The following TP53I3 variants were observed in gnomAD, a reference collection of about 807,000 sequenced individuals.
The protein encoded by TP53I3 is tumor protein p53 inducible protein 3.
TP53I3 carries 32 observed loss-of-function variants against 27.7 expected under a neutral mutation model. That is an observed-to-expected ratio of 1.16 (90% CI 0.87 to 1.55). The LOEUF is 1.55. Ranked by LOEUF, TP53I3 falls within the 40% of genes most tolerant of loss-of-function variation. The pLI is 0.00. For missense variants in TP53I3, 372 were observed against 412.3 expected (o/e 0.90, Z 0.85); for synonymous variants, 138 against 167.8 (o/e 0.82, Z 1.37).
At position 24,080,948 on chromosome 2, in the gene TP53I3, C is replaced by T; in HGVS notation, c.490G>A (p.Ala164Thr). The change falls in exon 3 of 5, where the codon GCT (alanine) becomes ACT (threonine). Residue 164 changes from alanine to threonine, a missense_variant. By Grantham distance (58) the Ala-to-Thr change is moderately conservative. Transcript: ENST00000238721. The surrounding 1 kb of genome is among the most constrained non-coding windows in gnomAD (Gnocchi z 4.7). ...GCTGTGACCAGAGGAATAGCTCCAG[C>T]CATCCGGGTGAGTTGGATAGCAGCT... ...GTAAIQLTRM[A>T]GAIPLVTAGS... is the part of the protein sequence containing the mutation. 2 of 1,614,208 alleles carry T rather than the reference C, an allele frequency of 1.2e-6. No homozygotes were observed. Among genetic ancestry groups the T allele is most frequent in the Non-Finnish European group, 1.7e-6 (2 of 1,180,052 alleles).
Position 24,084,390 on chromosome 2 carries a change from A to ACGGGG in TP53I3, c.-65_-64insCCCCG, listed in dbSNP as rs1553325161. The ACGGGG allele has an allele frequency of 8.7e-7, 1 of 1,147,112 alleles. No individual in the cohort carries two copies. Among genetic ancestry groups the ACGGGG allele is most frequent in the Non-Finnish European group, 1.2e-6 (1 of 814,244 alleles). The allele number at this position is 1,147,112 out of a possible 1,614,324, so 71.1% of individuals were successfully genotyped here. A position where few individuals can be genotyped will look rare whatever the true frequency, so the allele number is the denominator to read the frequency against. ...ACAGGGCAGGGCAGGGCAGGACAGG[A>ACGGGG]CAGGGCAGGGCAGGACAGGACAGGG... On this transcript the variant is annotated 5_prime_UTR_variant, in exon 1 of 5. Transcript: ENST00000238721. This position sits in a 1 kb window ranked among gnomAD's most constrained non-coding sequence, Gnocchi z 8.4.
chr2:24,077,624 C>T lies in TP53I3; in HGVS notation c.954G>A (p.Glu318=). 6.2e-7 allele frequency: 1 copy of T among 1,614,024 alleles called. No homozygotes were observed. The highest frequency in any genetic ancestry group is 8.5e-7 in the Non-Finnish European group (1 of 1,179,950). Residue 318 remains glutamate, a synonymous_variant, in exon 5 of 5, where the codon GAG becomes GAA. Transcript: ENST00000238721. This position sits in a 1 kb window ranked among gnomAD's most constrained non-coding sequence, Gnocchi z 5.5. ...CGATCTTGCCTATGTTCTTGTTGGC[C>T]TCCATGTACTTATGGGCCTCCTGGA... ...TEIQEAHKYM[E]ANKNIGKIVL...
Position 24,080,604 on chromosome 2 carries a change from T to A in TP53I3, c.619+215A>T, listed in dbSNP as rs1573717756. On this transcript the variant is annotated intron_variant, in intron 3 of 4. Transcript: ENST00000238721. The surrounding 1 kb of genome is among the most constrained non-coding windows in gnomAD (Gnocchi z 4.7). ...TGGTCTAAAGTGTGGATGAATCTTATCTCTTGCAAGAATGCACATGGAAAC... is the reference window on the plus strand; with the variant it reads ...TGGTCTAAAGTGTGGATGAATCTTAACTCTTGCAAGAATGCACATGGAAAC... 5 of 609,548 alleles carry A rather than the reference T, an allele frequency of 8.2e-6. No individual in the cohort carries two copies. In the East Asian group the frequency reaches 1.1e-4, roughly 14 times the overall value. The allele number at this position is 609,548 out of a possible 1,614,324, so 37.8% of individuals were successfully genotyped here. A position where few individuals can be genotyped will look rare whatever the true frequency, so the allele number is the denominator to read the frequency against.
chr2:24,083,984 G>A lies in TP53I3; in HGVS notation c.138+205C>T, dbSNP rs35213671. Among the ~76,000 whole-genome samples the A allele has an allele frequency of 7.3e-3, 1,110 of 152,294 alleles. 9 individuals carry two copies. Among genetic ancestry groups the A allele is most frequent in the African/African-American group, 0.026 (1,068 of 41,542 alleles). ...GGCCTGAGTGGCTATGGATTAGCTCGGGGTGGATTCTGCTTTACAAGTACT... is the reference window on the plus strand; with the variant it reads ...GGCCTGAGTGGCTATGGATTAGCTCAGGGTGGATTCTGCTTTACAAGTACT... On this transcript the variant is annotated intron_variant, in intron 1 of 4. Coordinates refer to ENST00000238721, the MANE Select transcript of TP53I3 (RefSeq NM_004881.5).
Position 24,084,382 on chromosome 2 carries a change from AGGACAGGACAGGGCAGGG to A in TP53I3, c.-74_-57del. ...AGGACAGGACAGGGCAGGGCAGGGCAGGACAGGACAGGGCAGGGCAGGACAGGACAGGGCAGGGGCCGC... is the reference window on the plus strand; with the variant it reads ...AGGACAGGACAGGGCAGGGCAGGGCACAGGACAGGACAGGGCAGGGGCCGC... On this transcript the variant is annotated 5_prime_UTR_variant, in exon 1 of 5. Transcript: ENST00000238721. This position sits in a 1 kb window ranked among gnomAD's most constrained non-coding sequence, Gnocchi z 8.4. The A allele has an allele frequency of 7.4e-7, 1 of 1,342,704 alleles. No individual in the cohort carries two copies. The highest frequency in any genetic ancestry group is 1.5e-5 in the African/African-American group (1 of 68,624). The allele number at this position is 1,342,704 out of a possible 1,614,324, so 83.2% of individuals were successfully genotyped here. A position where few individuals can be genotyped will look rare whatever the true frequency, so the allele number is the denominator to read the frequency against.
Position 24,079,625 on chromosome 2 carries a change from A to C in TP53I3, c.635T>G (p.Leu212Arg). ...LKFTKGAGVN[L>R]ILDCIGGSYW... The stretch of plus-strand genomic sequence containing the variant: ...GGATCCGCCTATGCAGTCTAGAATA[A>C]GATTAACTCCAGCACCTTCCATAGG... The change falls in exon 4 of 5, where the codon CTT becomes CGT. Residue 212 changes from leucine (L) to arginine (R), a missense_variant. Coordinates refer to ENST00000238721, the MANE Select transcript of TP53I3 (RefSeq NM_004881.5). 3 of 1,614,108 alleles carry C rather than the reference A, an allele frequency of 1.9e-6. No homozygotes were observed. Among genetic ancestry groups the C allele is most frequent in the Non-Finnish European group, 2.5e-6 (3 of 1,179,994 alleles).
At chr2:24,083,230 A>C in intron 1 of TP53I3, 78 bp from the exon 2 acceptor site, 1 of 1,467,810 alleles carries the variant, frequency 6.8e-7, no homozygotes. Context: ...CCCTTCCAAG[A>C]TCCCCTCTTT....
rs35814067 is a variant in TP53I3 at position 24,084,039 on chromosome 2, G to A, written c.138+150C>T. On this transcript the variant is annotated intron_variant, in intron 1 of 4. Transcript: ENST00000238721. The surrounding 1 kb of genome is among the most constrained non-coding windows in gnomAD (Gnocchi z 8.4). ...CTTGTTTTGCATGAACAAAGAGGGCGCCCTGGGTTTAGGTCTGGGAAGCCC... is the reference window on the plus strand; with the variant it reads ...CTTGTTTTGCATGAACAAAGAGGGCACCCTGGGTTTAGGTCTGGGAAGCCC... 5.6e-6 allele frequency: 7 copies of A among 1,259,104 alleles called. No individual in the cohort carries two copies. The East Asian group carries it at 1.6e-4, about 29-fold the overall frequency. The allele number at this position is 1,259,104 out of a possible 1,614,324, so 78.0% of individuals were successfully genotyped here.
chr2:24,082,911 G>A lies in TP53I3; in HGVS notation c.380C>T (p.Thr127Ile). 1 of 1,611,244 alleles carries A rather than the reference G, an allele frequency of 6.2e-7. No homozygotes were observed. ...CACAAGATGTAACAGCTGGAAGGCG[G>A]TGAGCCAGGCCTCTGGGATGGCTGC... ...QAAAIPEAWL[T>I]AFQLLHLVGN... is the part of the protein sequence containing the mutation. The change falls in exon 2 of 5, where the codon ACC (threonine) becomes ATC (isoleucine). Residue 127 changes from threonine (T) to isoleucine (I), a missense_variant. Thr to Ile is a moderately conservative substitution (Grantham distance 89). Transcript: ENST00000238721.
chr2:24,081,593 T>C (rs1368259863), intron 2 of TP53I3, among the ~76,000 whole-genome samples: 2 of 152,230 alleles, frequency 1.3e-5, no homozygotes, highest in African/African-American at 4.8e-5. Context: ...CAGCTTGATA[T>C]TCAAGGACAC....
chr2:24,079,465 C>T lies in TP53I3; in HGVS notation c.795G>A (p.Leu265=), dbSNP rs756136109. ...LFKRGSLITS[L]LRSRDNKYKQ... is the part of the protein sequence containing the mutation. ...TCACCTTATTGTCCCTAGACCTCAG[C>T]AAACTGGTGATCAGACTTCCTCGCT... Residue 265 remains leucine, a synonymous_variant, in exon 4 of 5, where the codon TTG becomes TTA. Coordinates refer to ENST00000238721, the MANE Select transcript of TP53I3 (RefSeq NM_004881.5). The T allele has an allele frequency of 6.2e-7, 1 of 1,614,176 alleles. No individual in the cohort carries two copies. The highest frequency in any genetic ancestry group is 1.1e-5 in the South Asian group (1 of 91,082).
Position 24,077,477 on chromosome 2 carries a change from T to C in TP53I3, c.*102A>G. 7.3e-7 allele frequency: 1 copy of C among 1,365,288 alleles called. No individual in the cohort carries two copies. Among genetic ancestry groups the C allele is most frequent in the Non-Finnish European group, 9.8e-7 (1 of 1,020,522 alleles). 84.6% of individuals were successfully genotyped at this position (1,365,288 alleles called of 1,614,324 possible). Reference sequence around the variant, plus strand: ...TCCTCATATCAGCTTTAAACGGCTCTGGAGGAAGCACCGGGTTTCTTGGCC... The same window carrying C: ...TCCTCATATCAGCTTTAAACGGCTCCGGAGGAAGCACCGGGTTTCTTGGCC... On this transcript the variant is annotated 3_prime_UTR_variant, in exon 5 of 5. Coordinates refer to ENST00000238721, the MANE Select transcript of TP53I3 (RefSeq NM_004881.5). The surrounding 1 kb of genome is among the most constrained non-coding windows in gnomAD (Gnocchi z 5.5).
rs1664827599 is a variant in TP53I3 at position 24,077,868 on chromosome 2, C to T, written c.817-107G>A. 1 of 1,223,662 alleles carries T rather than the reference C, an allele frequency of 8.2e-7. No individual in the cohort carries two copies. The highest frequency in any genetic ancestry group is 1.5e-5 in the South Asian group (1 of 68,924). 75.8% of individuals were successfully genotyped at this position (1,223,662 alleles called of 1,614,324 possible). ...CTCTGAAGCCACGTATCTGAAAAAGCACACAGGGACACTTAACCCCTCACT... is the reference window on the plus strand; with the variant it reads ...CTCTGAAGCCACGTATCTGAAAAAGTACACAGGGACACTTAACCCCTCACT... On this transcript the variant is annotated intron_variant, in intron 4 of 4. Coordinates refer to ENST00000238721, the MANE Select transcript of TP53I3 (RefSeq NM_004881.5). This position sits in a 1 kb window ranked among gnomAD's most constrained non-coding sequence, Gnocchi z 5.5.
chr2:24,078,233 C>G (rs1664845554), intron 4 of TP53I3, among the ~76,000 whole-genome samples: 1 of 152,064 alleles, frequency 6.6e-6, no homozygotes, highest in Non-Finnish European at 1.5e-5. Context: ...ATTTACTATC[C>G]CTAGCCAGAT....
At position 24,084,063 on chromosome 2, in the gene TP53I3, C is replaced by T; in HGVS notation, c.138+126G>A. The T allele has an allele frequency of 7.1e-7, 1 of 1,406,290 alleles. No individual in the cohort carries two copies. Among genetic ancestry groups the T allele is most frequent in the South Asian group, 1.5e-5 (1 of 67,878 alleles). 87.1% of individuals were successfully genotyped at this position (1,406,290 alleles called of 1,614,324 possible). A position where few individuals can be genotyped will look rare whatever the true frequency, so the allele number is the denominator to read the frequency against. On this transcript the variant is annotated intron_variant, in intron 1 of 4. Transcript: ENST00000238721. This position sits in a 1 kb window ranked among gnomAD's most constrained non-coding sequence, Gnocchi z 8.4. The stretch of plus-strand genomic sequence containing the variant: ...CGCCCTGGGTTTAGGTCTGGGAAGC[C>T]CCAGCGCAGCTGCCTGCTGGGTGTG...
chr2:24,082,910 G>A lies in TP53I3; in HGVS notation c.381C>T (p.Thr127=), dbSNP rs764247223. 5.0e-6 allele frequency: 8 copies of A among 1,611,038 alleles called. No individual in the cohort carries two copies. Among genetic ancestry groups the A allele is most frequent in the Admixed American group, 3.3e-5 (2 of 59,918 alleles). Reference sequence around the variant, plus strand: ...CCACAAGATGTAACAGCTGGAAGGCGGTGAGCCAGGCCTCTGGGATGGCTG... The same window carrying A: ...CCACAAGATGTAACAGCTGGAAGGCAGTGAGCCAGGCCTCTGGGATGGCTG... The part of the protein sequence containing the change: ...QAAAIPEAWL[T]AFQLLHLVGN... Residue 127 remains threonine, a synonymous_variant, in exon 2 of 5, where the codon ACC becomes ACT. Transcript: ENST00000238721.
rs773516702 is a variant in TP53I3, at chr2:24,083,070, G to A, written c.221C>T (p.Pro74Leu). The change falls in exon 2 of 5, where the codon CCT (proline) becomes CTT (leucine). Residue 74 changes from proline (P) to leucine (L), a missense_variant. Transcript: ENST00000238721. Reference sequence around the variant, plus strand: ...GATCTTCCAGTGTCCCTGGCAGCCAGGCCCCAGCTCTGCCACATGTCCAGA... The same window carrying A: ...GATCTTCCAGTGTCCCTGGCAGCCAAGCCCCAGCTCTGCCACATGTCCAGA... ...EASGHVAELG[P>L]GCQGHWKIGD... 6.2e-7 allele frequency: 1 copy of A among 1,614,180 alleles called. No homozygotes were observed. Among genetic ancestry groups the A allele is most frequent in the Non-Finnish European group, 8.5e-7 (1 of 1,180,026 alleles).
chr2:24,084,530 C>T lies in TP53I3; in HGVS notation c.-204G>A. On this transcript the variant is annotated 5_prime_UTR_variant, in exon 1 of 5. Coordinates refer to ENST00000238721, the MANE Select transcript of TP53I3 (RefSeq NM_004881.5). This position sits in a 1 kb window ranked among gnomAD's most constrained non-coding sequence, Gnocchi z 8.4. ...CCGCGGACCCGGCCTCCGCCCCGAG[C>T]TCCTGCCTGGGAAGTCCTCGGCCGC... 1 of 671,650 alleles carries T rather than the reference C, an allele frequency of 1.5e-6. No individual in the cohort carries two copies. Among genetic ancestry groups the T allele is most frequent in the Non-Finnish European group, 2.3e-6 (1 of 433,828 alleles). The allele number at this position is 671,650 out of a possible 1,614,324, so 41.6% of individuals were successfully genotyped here.
At chr2:24,078,480 TAAA>T (rs36089798) in intron 4 of TP53I3, among the ~76,000 whole-genome samples, 13,146 of 104,912 alleles carry the variant, frequency 0.13, 692 homozygotes, top group South Asian at 0.19. Flanking sequence ...CCTGTCTCCA[TAAA>T]AAAAAAAAAA....
Sources: allele counts gnomAD v4.1 joint callset (sites outside exome capture counted in the v4.1 genomes callset), GRCh38; gene constraint gnomAD v4.1.1; non-coding constraint Gnocchi (gnomAD v3.1); transcripts MANE v1.5; gene names NCBI Gene and HGNC (gene_info 2026-07-23, HGNC 2026-07-21).